The following SMYD5 variants were observed in gnomAD, a reference collection of about 807,000 sequenced individuals.
SMYD5 encodes SMYD family member 5, also known as protein-lysine N-trimethyltransferase SMYD5.
SMYD5 carries 35 observed loss-of-function variants against 57.4 expected under a neutral mutation model. The ratio of observed to expected loss-of-function variants is 0.61; its 90% CI spans 0.47 to 0.81. SMYD5 has a LOEUF of 0.81. Ranked by LOEUF, SMYD5 falls within the 30% of genes least tolerant of loss-of-function variation. The pLI is 0.00. For missense variants in SMYD5, 471 were observed against 527.9 expected (o/e 0.89, Z 1.06); for synonymous variants, 198 against 189.7 (o/e 1.04, Z -0.36).
At chr2:73,220,554 T>C in intron 3 of SMYD5, 107 bp from the exon 4 acceptor site, 1 of 1,336,046 alleles carries the variant, frequency 7.5e-7, no homozygotes, top group Non-Finnish European at 1.1e-6. Context: ...TCTCTTCTCA[T>C]GATACATCTG....
rs1284079454 is a variant in SMYD5, at chr2:73,220,748, T to C, written c.433T>C (p.Leu145=). The C allele has an allele frequency of 6.2e-7, 1 of 1,614,020 alleles. No homozygotes were observed. The highest frequency in any genetic ancestry group is 2.2e-5 in the East Asian group (1 of 44,878). ...CCCAGGCCCCTCCCAGGATGACCCC[T>C]TGCATCCTCTCAATAAGCTTCAGGA... ...LCPGPSQDDP[L]HPLNKLQEAW... is the part of the protein sequence containing the mutation. The change falls in exon 4 of 13, where the codon TTG becomes CTG. Residue 145 remains leucine (L), a synonymous_variant. Transcript: ENST00000389501.
chr2:73,220,555 G>T, intron 3 of SMYD5, 106 bp from the exon 4 acceptor site: 1 of 1,346,356 alleles, frequency 7.4e-7, no homozygotes, highest in Non-Finnish European at 1.0e-6. Flanking sequence ...CTCTTCTCAT[G>T]ATACATCTGA....
At position 73,225,037 on chromosome 2, in the gene SMYD5, T is replaced by C. The variant is rs1686473112; in HGVS notation, c.1035+77T>C. Reference sequence around the variant, plus strand: ...TCTCTGCAGGGATCAGGAGCAGCAGTGGCTAGAGCACCTTGAAGTTCAGGC... The same window carrying C: ...TCTCTGCAGGGATCAGGAGCAGCAGCGGCTAGAGCACCTTGAAGTTCAGGC... On this transcript the variant is annotated intron_variant, in intron 11 of 12. Transcript: ENST00000389501. The C allele has an allele frequency of 3.7e-6, 4 of 1,079,804 alleles. No homozygotes were observed. In the South Asian group the frequency reaches 5.6e-5, roughly 15 times the overall value. 66.9% of individuals were successfully genotyped at this position (1,079,804 alleles called of 1,614,324 possible).
chr2:73,224,177 C>T (rs536412349), intron 10 of SMYD5, among the ~76,000 whole-genome samples, 174 bp downstream of exon 10: 1 of 152,318 alleles, frequency 6.6e-6, no homozygotes, highest in African/African-American at 2.4e-5. Context: ...TTTGTTCTAT[C>T]ATTTTTTTCA....
intron 5 of SMYD5, 89 bp from the exon 6 acceptor site, chr2:73,221,737 G>C: frequency 1.1e-6 from 1 of 870,730 alleles, no homozygotes; most frequent in Non-Finnish European, 1.9e-6. Context: ...GCCCCTATAA[G>C]TTCCTGTGTA....
chr2:73,225,009 A>AGTTCTCT (rs1266547458), intron 11 of SMYD5, 49 bp downstream of exon 11: 1 of 1,403,422 alleles, frequency 7.1e-7, no homozygotes, highest in East Asian at 2.3e-5. Context: ...AGGCCTTGGA[A>AGTTCTCT]GTTCTCTGCA....
intron 5 of SMYD5, among the ~76,000 whole-genome samples, chr2:73,221,467 T>C (rs1426452338): frequency 1.4e-5 from 2 of 144,556 alleles, no homozygotes; most frequent in Non-Finnish European, 3.0e-5. Flanking sequence ...TAAAGACCAG[T>C]GTGATAGTAT....
intron 1 of SMYD5, among the ~76,000 whole-genome samples, chr2:73,215,122 C>T (rs149728005): frequency 2.4e-4 from 36 of 152,310 alleles, no homozygotes; most frequent in African/African-American, 7.7e-4. Context: ...ACTCAACCAA[C>T]CCCTTATTAA....
chr2:73,224,159 TG>T (rs1486044788), intron 10 of SMYD5, among the ~76,000 whole-genome samples, 156 bp downstream of exon 10: 4 of 152,212 alleles, frequency 2.6e-5, no homozygotes, highest in African/African-American at 4.8e-5. Flanking sequence ...GGAATTCCCC[TG>T]GGCCTTTTTG....
chr2:73,222,963 C>T, intron 7 of SMYD5, 73 bp from the exon 8 acceptor site: 1 of 1,526,718 alleles, frequency 6.5e-7, no homozygotes, highest in East Asian at 2.2e-5. Flanking sequence ...CAGAAGGCTT[C>T]CCAAACAGAG....
chr2:73,218,946 G>A lies in SMYD5; in HGVS notation c.182G>A (p.Trp61Ter), dbSNP rs761625156. The A allele has an allele frequency of 1.2e-6, 2 of 1,613,790 alleles. No homozygotes were observed. Among genetic ancestry groups the A allele is most frequent in the Non-Finnish European group, 1.7e-6 (2 of 1,179,758 alleles). ...CCCCTGGTGGCTGCACAGTTTCTCT[G>A]GAATGCACTTTATCGCTACCGAGGT... The part of the protein sequence containing the change: ...ERPLVAAQFL[W>*]NALYRYRACD... The change falls in exon 2 of 13, where the codon TGG becomes TAG. Residue 61 changes from tryptophan (W) to a stop codon, truncating the protein, a stop_gained. Transcript: ENST00000389501. LOFTEE classifies it high-confidence loss of function.
rs762361939 is a variant in SMYD5 at position 73,224,896 on chromosome 2, C to CCT, written c.973_974dup (p.Phe326ProfsTer66). The CCT allele has an allele frequency of 6.2e-7, 1 of 1,614,030 alleles. No homozygotes were observed. The highest frequency in any genetic ancestry group is 1.1e-5 in the South Asian group (1 of 91,076). Reference sequence around the variant, plus strand: ...CACAGTTGTGTGCCCAATGCAGAGACCTCCTTTCCAGAAAACAACTTCCTT... The same window carrying CCT: ...CACAGTTGTGTGCCCAATGCAGAGACCTCTCCTTTCCAGAAAACAACTTCCTT... On this transcript the variant is annotated frameshift_variant, in exon 11 of 13. Coordinates refer to ENST00000389501, the MANE Select transcript of SMYD5 (RefSeq NM_006062.3). LOFTEE classifies it high-confidence loss of function.
intron 1 of SMYD5, 62 bp downstream of exon 1, chr2:73,214,424 C>A: frequency 1.2e-6 from 2 of 1,609,290 alleles, no homozygotes; most frequent in East Asian, 2.2e-5. Flanking sequence ...GACAGCCCGG[C>A]CGGACTCCAT....
chr2:73,215,633 TC>T (rs1238902828), intron 1 of SMYD5, among the ~76,000 whole-genome samples: 2 of 152,214 alleles, frequency 1.3e-5, no homozygotes, highest in African/African-American at 2.4e-5. Context: ...ACCTTTTTCT[TC>T]ATTAGCCCCC....
At chr2:73,225,411 A>G in intron 11 of SMYD5, 1 of 625,194 alleles carries the variant, frequency 1.6e-6, no homozygotes, top group Non-Finnish European at 2.9e-6. Context: ...GAGGCCAACC[A>G]GTCTCCTCTG....
chr2:73,214,619 C>T, intron 1 of SMYD5: 1 of 1,513,000 alleles, frequency 6.6e-7, no homozygotes, highest in Non-Finnish European at 8.9e-7. Flanking sequence ...GGAGGCCCTT[C>T]TGTGGCTGCT....
chr2:73,220,957 C>G (rs533184375), intron 4 of SMYD5, among the ~76,000 whole-genome samples, 175 bp downstream of exon 4: 1 of 152,174 alleles, frequency 6.6e-6, no homozygotes. Context: ...GGCTGTCAGT[C>G]TTTCTGTCCT....
chr2:73,220,562 C>G (rs1686366087), intron 3 of SMYD5, 99 bp from the exon 4 acceptor site: 4 of 1,414,866 alleles, frequency 2.8e-6, no homozygotes, highest in Non-Finnish European at 4.0e-6. Flanking sequence ...CATGATACAT[C>G]TGAGCTACAG....
chr2:73,215,254 A>G (rs902460360), intron 1 of SMYD5, among the ~76,000 whole-genome samples: 2 of 152,078 alleles, frequency 1.3e-5, no homozygotes, highest in African/African-American at 4.8e-5. Flanking sequence ...ATCTTTGCCT[A>G]TTGATATGTG....
Sources: allele counts gnomAD v4.1 joint callset (sites outside exome capture counted in the v4.1 genomes callset), GRCh38; gene constraint gnomAD v4.1.1; transcripts MANE v1.5; gene names NCBI Gene and HGNC (gene_info 2026-07-23, HGNC 2026-07-21).